MARCO: variants seen among roughly 807,000 people sequenced by gnomAD.
The protein encoded by MARCO is macrophage receptor with collagenous structure, also known as macrophage receptor MARCO.
Under a neutral mutation model 70.0 loss-of-function variants are expected in MARCO, and 72 were observed. The ratio of observed to expected loss-of-function variants is 1.03; its 90% CI spans 0.85 to 1.25. The LOEUF is 1.25. Among genes scored for constraint, MARCO ranks in the 50% most tolerant of loss-of-function variants. MARCO has a pLI of 0.00. For missense variants in MARCO, 696 were observed against 659.3 expected (o/e 1.06, Z -0.61); for synonymous variants, 273 against 243.1 (o/e 1.12, Z -1.14).
chr2:118,984,217 G>A (rs1411158064), intron 12 of MARCO, among the ~76,000 whole-genome samples: 2 of 152,192 alleles, frequency 1.3e-5, no homozygotes, highest in Admixed American at 1.3e-4. Context: ...AGTTCAGAAA[G>A]GATCAGAGCA....
Position 118,981,401 on chromosome 2 carries a change from T to G in MARCO, c.767-8T>G. The G allele has an allele frequency of 1.3e-6, 2 of 1,594,830 alleles. No individual in the cohort carries two copies. Among genetic ancestry groups the G allele is most frequent in the Non-Finnish European group, 1.7e-6 (2 of 1,172,600 alleles). ...CCCACAACTAACCAAGACTTTTTGG[T>G]TTTTCAGGAAGCAAAGGGGACAGGG... On this transcript the variant is annotated splice_polypyrimidine_tract_variant and splice_region_variant and intron_variant, in intron 8 of 16. Coordinates refer to ENST00000327097, the MANE Select transcript of MARCO (RefSeq NM_006770.4).
At chr2:118,990,738 C>T (rs1017994449) in intron 13 of MARCO, 105 bp downstream of exon 13, 1 of 1,143,956 alleles carries the variant, frequency 8.7e-7, no homozygotes, top group East Asian at 2.4e-5. Flanking sequence ...GTGACCTTCT[C>T]CCAAAGTGGA....
intron 16 of MARCO, among the ~76,000 whole-genome samples, chr2:118,994,159 G>T (rs1008170209): frequency 1.2e-4 from 18 of 151,744 alleles, no homozygotes; most frequent in Admixed American, 1.2e-3. Context: ...TTTGTCAAAG[G>T]GTAGAGAATA....
intron 4 of MARCO, among the ~76,000 whole-genome samples, chr2:118,972,979 C>T (rs1458534734): frequency 6.6e-6 from 1 of 152,158 alleles, no homozygotes; most frequent in Non-Finnish European, 1.5e-5. Context: ...GATGTGCGTA[C>T]ATAGAGGAAA....
At chr2:118,963,206 T>A (rs1006189285) in intron 1 of MARCO, among the ~76,000 whole-genome samples, 1 of 151,742 alleles carries the variant, frequency 6.6e-6, no homozygotes, top group Non-Finnish European at 1.5e-5. Flanking sequence ...GAGGCCTTTT[T>A]TATTTTTGGT....
chr2:118,986,663 AG>A (rs1680503798), intron 12 of MARCO, among the ~76,000 whole-genome samples: 1 of 56,578 alleles, frequency 1.8e-5, no homozygotes, highest in Non-Finnish European at 3.1e-5. Flanking sequence ...GAAGGAAGGA[AG>A]GAAGGAAGGA....
chr2:118,959,562 T>C (rs1052939418), intron 1 of MARCO, among the ~76,000 whole-genome samples: 23 of 152,192 alleles, frequency 1.5e-4, no homozygotes, highest in African/African-American at 5.3e-4. Flanking sequence ...ACAGCTGCTA[T>C]GGAAAACAGT....
At chr2:118,967,393 C>G (rs7559955) in intron 1 of MARCO, among the ~76,000 whole-genome samples, 1 of 152,008 alleles carries the variant, frequency 6.6e-6, no homozygotes, top group East Asian at 1.9e-4. Context: ...TGACATGGAA[C>G]TGCAGCCATA....
intron 1 of MARCO, among the ~76,000 whole-genome samples, chr2:118,963,540 T>C (rs934023605): frequency 5.9e-5 from 9 of 152,128 alleles, no homozygotes; most frequent in African/African-American, 2.2e-4. Context: ...GTTCCATGTG[T>C]CCTTGAAAAG....
At chr2:118,972,201 A>G (rs759055225) in intron 4 of MARCO, among the ~76,000 whole-genome samples, 6 of 152,190 alleles carry the variant, frequency 3.9e-5, no homozygotes, top group Non-Finnish European at 8.8e-5. Flanking sequence ...GGACAAGGCT[A>G]TGGTTGTTTG....
chr2:118,988,043 A>G (rs1416015265), intron 12 of MARCO, among the ~76,000 whole-genome samples: 2 of 152,214 alleles, frequency 1.3e-5, no homozygotes, highest in Non-Finnish European at 2.9e-5. Flanking sequence ...TTACTCACCT[A>G]GCATCTCTGA....
At chr2:118,948,956 G>A (rs1352335369) in intron 1 of MARCO, among the ~76,000 whole-genome samples, 4 of 152,202 alleles carry the variant, frequency 2.6e-5, no homozygotes, top group Admixed American at 1.3e-4. Context: ...AAGGGCAGGT[G>A]TATGAATAAG....
Position 118,966,906 on chromosome 2 carries a change from G to A in MARCO, c.98-2254G>A, listed in dbSNP as rs540810452. Among the ~76,000 whole-genome samples, 5 of 152,306 alleles carry A rather than the reference G, an allele frequency of 3.3e-5. No homozygotes were observed. In the South Asian group the frequency reaches 1.0e-3, roughly 32 times the overall value. ...TGTGTTATTTGTCTTCATCATGACG[G>A]TTGCATGAATACCTGAGGCCCTGAG... On this transcript the variant is annotated intron_variant, in intron 1 of 16. Transcript: ENST00000327097.
chr2:118,951,539 T>C (rs1278259007), intron 1 of MARCO, among the ~76,000 whole-genome samples: 1 of 152,226 alleles, frequency 6.6e-6, no homozygotes, highest in Non-Finnish European at 1.5e-5. Flanking sequence ...GCAAAGCAGT[T>C]GCTGCTACAG....
At chr2:118,987,292 A>AT (rs1346950604) in intron 12 of MARCO, among the ~76,000 whole-genome samples, 2 of 152,078 alleles carry the variant, frequency 1.3e-5, no homozygotes, top group East Asian at 1.9e-4. Flanking sequence ...TCTAGAACCT[A>AT]TTTTTTAGCC....
chr2:118,970,768 T>A (rs1184254632), intron 3 of MARCO, among the ~76,000 whole-genome samples: 1 of 152,168 alleles, frequency 6.6e-6, no homozygotes, highest in Non-Finnish European at 1.5e-5. Flanking sequence ...CTTCCCTCGG[T>A]GCTCTCAGGG....
chr2:118,988,683 G>A (rs1680561148), intron 12 of MARCO, among the ~76,000 whole-genome samples: 1 of 152,058 alleles, frequency 6.6e-6, no homozygotes, highest in African/African-American at 2.4e-5. Context: ...AACCCATCTT[G>A]GCGTATGCTG....
intron 1 of MARCO, among the ~76,000 whole-genome samples, chr2:118,951,441 T>C (rs1309441669): frequency 6.6e-6 from 1 of 152,222 alleles, no homozygotes; most frequent in Non-Finnish European, 1.5e-5. Flanking sequence ...TTGTTGTTTG[T>C]TTGTTTGACT....
rs192787995 is a variant in MARCO at position 118,957,296 on chromosome 2, C to T, written c.98-11864C>T. Among the ~76,000 whole-genome samples the T allele has an allele frequency of 3.1e-3, 473 of 152,006 alleles. 2 individuals carry two copies. Among genetic ancestry groups the T allele is most frequent in the African/African-American group, 0.011 (446 of 41,506 alleles). On this transcript the variant is annotated intron_variant, in intron 1 of 16. Transcript: ENST00000327097. ...CAAATAACCTCACTAAGAAATAAAA[C>T]AGGATATATTACAACTGACACCATT... is the stretch of plus-strand genomic sequence containing the variant.
Sources: allele counts gnomAD v4.1 joint callset (sites outside exome capture counted in the v4.1 genomes callset), GRCh38; gene constraint gnomAD v4.1.1; transcripts MANE v1.5; gene names NCBI Gene and HGNC (gene_info 2026-07-23, HGNC 2026-07-21).